VRTN: variants seen among roughly 807,000 people sequenced by gnomAD.
The protein encoded by VRTN is vertebrae development associated.
Under a neutral mutation model 18.2 loss-of-function variants are expected in VRTN, and 5 were observed. The observed-to-expected ratio is 0.27, with a 90% CI of 0.14 to 0.58. VRTN has a LOEUF of 0.58. Ranked by LOEUF, VRTN falls within the 20% of genes least tolerant of loss-of-function variation. VRTN has a pLI of 0.91. For missense variants in VRTN, 741 were observed against 939.4 expected, an observed-to-expected ratio of 0.79 and a Z score of 2.76; for synonymous variants, 381 against 393.7, an observed-to-expected ratio of 0.97 and a Z score of 0.38.
chr14:74,350,756 G>A (rs1047969945), intron 1 of VRTN, among the ~76,000 whole-genome samples: 17 of 152,170 alleles, frequency 1.1e-4, no homozygotes, highest in African/African-American at 4.1e-4. Flanking sequence ...TGTAGATAGC[G>A]TAGGTGTGAT....
chr14:74,326,798 C>G (rs376563663), intron 1 of VRTN, among the ~76,000 whole-genome samples: 639 of 1,330 alleles, frequency 0.48, 5 homozygotes, highest in African/African-American at 0.5. Context: ...TCTCCCCACT[C>G]ATGGCCACGG....
At chr14:74,311,283 T>A (rs2085387084) in intron 1 of VRTN, among the ~76,000 whole-genome samples, 1 of 152,194 alleles carries the variant, frequency 6.6e-6, no homozygotes, top group Non-Finnish European at 1.5e-5. Context: ...GCCAAGCTGT[T>A]CACAGCTTCT....
chr14:74,355,141 CAAAAAA>C (rs34077833), intron 1 of VRTN, among the ~76,000 whole-genome samples: 1 of 108,598 alleles, frequency 9.2e-6, no homozygotes, highest in Non-Finnish European at 1.9e-5. Flanking sequence ...GACTCAGTCT[CAAAAAA>C]AAAAAAAAAA....
chr14:74,336,073 G>T (rs1292502697), intron 1 of VRTN, among the ~76,000 whole-genome samples: 1 of 151,408 alleles, frequency 6.6e-6, no homozygotes, highest in Non-Finnish European at 1.5e-5. Flanking sequence ...CAAAAAGAAT[G>T]CATTCTTGTG....
chr14:74,321,308 G>A (rs1243618034), intron 1 of VRTN, among the ~76,000 whole-genome samples: 1 of 152,128 alleles, frequency 6.6e-6, no homozygotes, highest in East Asian at 1.9e-4. Flanking sequence ...CATTTTGTAT[G>A]ATTATTTCCT....
chr14:74,303,843 ATTTTTT>A (rs67822776), intron 1 of VRTN, among the ~76,000 whole-genome samples: 13 of 88,500 alleles, frequency 1.5e-4, no homozygotes, highest in African/African-American at 5.2e-4. Context: ...ACAATTACAG[ATTTTTT>A]TTTTTTTTTT....
Position 74,357,767 on chromosome 14 carries a change from C to T in VRTN, c.984C>T (p.Gly328=), listed in dbSNP as rs184758289. ...HFLQDSFHRG[G]VVPLQQFLQR... is the part of the protein sequence containing the mutation. Reference sequence around the variant, plus strand: ...TGCAGGACAGCTTCCACCGGGGGGGCGTCGTGCCACTTCAGCAGTTCCTCC... The same window carrying T: ...TGCAGGACAGCTTCCACCGGGGGGGTGTCGTGCCACTTCAGCAGTTCCTCC... The change falls in exon 2 of 2, where the codon GGC becomes GGT. Residue 328 remains glycine, a synonymous_variant. Transcript: ENST00000256362. The surrounding 1 kb of genome is among the most constrained non-coding windows in gnomAD (Gnocchi z 7.8). 1.0e-3 allele frequency: 1,674 copies of T among 1,613,010 alleles called. 25 individuals are homozygous for T. The Admixed American group carries it at 0.017, about 17-fold the overall frequency.
chr14:74,304,942 A>G (rs2140188274), intron 1 of VRTN, among the ~76,000 whole-genome samples: 1 of 152,284 alleles, frequency 6.6e-6, no homozygotes, highest in South Asian at 2.1e-4. Context: ...AGGTTTACAG[A>G]TCTTGTCCCC....
chr14:74,340,234 T>C (rs545410581), intron 2 of VRTN, among the ~76,000 whole-genome samples: 7 of 150,994 alleles, frequency 4.6e-5, no homozygotes, highest in African/African-American at 7.3e-5. Flanking sequence ...TACTTCAGCC[T>C]CCCTAGTAGC....
At chr14:74,310,289 C>T (rs374913041) in intron 1 of VRTN, among the ~76,000 whole-genome samples, 4 of 149,508 alleles carry the variant, frequency 2.7e-5, no homozygotes, top group African/African-American at 9.9e-5. Context: ...CCCAGCTACT[C>T]GGGAGACTGA....
chr14:74,346,995 C>G (rs1028532606), upstream of VRTN, among the ~76,000 whole-genome samples: 3 of 152,300 alleles, frequency 2.0e-5, no homozygotes, highest in African/African-American at 7.2e-5. Context: ...CCATCTCCTC[C>G]TATGAGATAA....
At chr14:74,345,605 T>G (rs935528943), upstream of VRTN, among the ~76,000 whole-genome samples, 1 of 151,874 alleles carries the variant, frequency 6.6e-6, no homozygotes, top group African/African-American at 2.4e-5. Flanking sequence ...GTCAAAAATG[T>G]TTTTAAAATA....
chr14:74,322,110 T>G (rs547659060), intron 1 of VRTN, among the ~76,000 whole-genome samples: 2 of 151,834 alleles, frequency 1.3e-5, no homozygotes, highest in East Asian at 3.9e-4. Context: ...CCTCCCAAAG[T>G]GCTGGGATTA....
Position 74,357,330 on chromosome 14 carries a change from C to A in VRTN, c.547C>A (p.Leu183Ile), listed in dbSNP as rs1264201413. The stretch of plus-strand genomic sequence containing the variant: ...GCACTTGTATGCTCTCGCCTCTGTC[C>A]TCCAGCGGAACATCTACTCCATCTA... ...VWHLYALASV[L>I]QRNIYSIYPM... The change falls in exon 2 of 2, where the codon CTC becomes ATC. Residue 183 changes from leucine (L) to isoleucine (I), a missense_variant. Leu to Ile is a conservative substitution (Grantham distance 5, BLOSUM62 2). Coordinates refer to ENST00000256362, the MANE Select transcript of VRTN (RefSeq NM_018228.3). This position sits in a 1 kb window ranked among gnomAD's most constrained non-coding sequence, Gnocchi z 7.8. 1 of 1,614,092 alleles carries A rather than the reference C, an allele frequency of 6.2e-7. No individual in the cohort carries two copies.
At chr14:74,348,230 C>A (rs190499870), upstream of VRTN, among the ~76,000 whole-genome samples, 2 of 152,194 alleles carry the variant, frequency 1.3e-5, no homozygotes. Flanking sequence ...CTCCCCTCCC[C>A]CCAAACTCTT....
intron 1 of VRTN, among the ~76,000 whole-genome samples, chr14:74,311,662 G>A (rs752368257): frequency 6.6e-6 from 1 of 151,920 alleles, no homozygotes; most frequent in Non-Finnish European, 1.5e-5. Context: ...TGCCTGCCTC[G>A]GCCTTCCAAA....
At position 74,359,132 on chromosome 14, in the gene VRTN, T is replaced by C; in HGVS notation, c.*240T>C. On this transcript the variant is annotated 3_prime_UTR_variant, in exon 2 of 2. Coordinates refer to ENST00000256362, the MANE Select transcript of VRTN (RefSeq NM_018228.3). Reference sequence around the variant, plus strand: ...GATATCCTCTTTCGTTGTTTGCTGGTCATATTTTTACTGTTATGATTTAGT... The same window carrying C: ...GATATCCTCTTTCGTTGTTTGCTGGCCATATTTTTACTGTTATGATTTAGT... The C allele has an allele frequency of 2.7e-6, 2 of 746,774 alleles. No individual in the cohort carries two copies. 46.3% of individuals were successfully genotyped at this position (746,774 alleles called of 1,614,324 possible).
chr14:74,324,968 T>C (rs942817493), intron 1 of VRTN, among the ~76,000 whole-genome samples: 2 of 151,588 alleles, frequency 1.3e-5, no homozygotes, highest in Admixed American at 6.6e-5. Flanking sequence ...GATTTTAGAG[T>C]TTCCCCAAAT....
chr14:74,306,155 TA>T (rs1567036580), intron 1 of VRTN: 99 of 73,516 alleles, frequency 1.3e-3, no homozygotes, highest in African/African-American at 5.4e-3. Context: ...CATATATATA[TA>T]TATATATATA....
Sources: gnomAD v4.1 joint callset for allele counts (sites outside exome capture counted in the v4.1 genomes callset) on GRCh38, gnomAD v4.1.1 for gene constraint, Gnocchi (gnomAD v3.1) non-coding constraint, MANE v1.5 for transcripts, NCBI Gene and HGNC (gene_info 2026-07-23, HGNC 2026-07-21) for gene names.